The following ZNF717 variants were observed in gnomAD, a reference collection of about 807,000 sequenced individuals.
ZNF717 encodes zinc finger protein 717, also known as krueppel-like factor X17.
In ZNF717, 9 loss-of-function variants were observed where a neutral mutation model predicts 13.8. That is an observed-to-expected ratio of 0.65 (90% confidence interval 0.39 to 1.14). ZNF717 has a LOEUF of 1.14. ZNF717 is among the 50% of genes most tolerant of loss of function. ZNF717 has a pLI of 0.01. For synonymous variants in ZNF717, 327 were observed against 364.1 expected (o/e 0.90, Z 1.16); for missense variants, 1,040 against 1,080.7 (o/e 0.96, Z 0.53).
intron 6 of ZNF717, among the ~76,000 whole-genome samples, chr3:75,702,521 A>C (rs1445426460): frequency 2.0e-5 from 3 of 152,310 alleles, no homozygotes; most frequent in Admixed American, 6.5e-5. Context: ...AATGGGTTAA[A>C]ACAATTGTTA....
chr3:75,712,282 T>C (rs966960384), intron 5 of ZNF717, among the ~76,000 whole-genome samples: 73 of 152,384 alleles, frequency 4.8e-4, no homozygotes, highest in African/African-American at 1.7e-3. Context: ...AGATGGCTGT[T>C]AAGGGAACAG....
chr3:75,723,400 C>T (rs1307886539), intron 4 of ZNF717, among the ~76,000 whole-genome samples: 1 of 152,076 alleles, frequency 6.6e-6, no homozygotes, highest in East Asian at 1.9e-4. Flanking sequence ...GGCAGCAAGC[C>T]ACCCAGGTGC....
At position 75,741,371 on chromosome 3, in the gene ZNF717, G is replaced by C; in HGVS notation, c.185-3C>G. ...CTCAGGTTTGGTAATGTAATGCCCTGGTAATGAGAAACAATGGAAGACTTT... is the reference window on the plus strand; with the variant it reads ...CTCAGGTTTGGTAATGTAATGCCCTCGTAATGAGAAACAATGGAAGACTTT... On this transcript the variant is annotated splice_region_variant and splice_polypyrimidine_tract_variant and intron_variant, in intron 3 of 4. Transcript: ENST00000652011. The C allele has an allele frequency of 6.6e-7, 1 of 1,518,540 alleles. No individual in the cohort carries two copies. Among genetic ancestry groups the C allele is most frequent in the Admixed American group, 2.0e-5 (1 of 50,942 alleles). 94.1% of individuals were successfully genotyped at this position (1,518,540 alleles called of 1,614,324 possible). A position where few individuals can be genotyped will look rare whatever the true frequency, so the allele number is the denominator to read the frequency against.
intron 2 of ZNF717, among the ~76,000 whole-genome samples, chr3:75,758,812 G>A (rs77337904): frequency 9.2e-4 from 139 of 151,370 alleles, no homozygotes; most frequent in African/African-American, 3.2e-3. Context: ...CCAGGACGTC[G>A]AGGCAACATG....
chr3:75,726,894 G>A (rs1938292433), downstream of ZNF717, among the ~76,000 whole-genome samples: 1 of 152,146 alleles, frequency 6.6e-6, no homozygotes, highest in African/African-American at 2.4e-5. Flanking sequence ...TATAACCCAT[G>A]CTTATCCTTC....
rs1356685905 is a variant in ZNF717, at chr3:75,737,133, A to G, written c.2490T>C (p.Phe830=). ...CCCCTGTGTGAGTTCTGTGATGTAC[A>G]AAGAGTTTTGACTTCTGGGAGAAGG... ...RKTFSQKSKL[F]VHHRTHTGEK... is the part of the protein sequence containing the mutation. The change falls in exon 5 of 5, where the codon TTT becomes TTC. Residue 830 remains phenylalanine (F), a synonymous_variant. Transcript: ENST00000652011. 6.4e-7 allele frequency: 1 copy of G among 1,566,656 alleles called. No homozygotes were observed. Among genetic ancestry groups the G allele is most frequent in the Non-Finnish European group, 8.7e-7 (1 of 1,155,966 alleles).
Position 75,737,595 on chromosome 3 carries a change from A to C in ZNF717, c.2028T>G (p.Asp676Glu), listed in dbSNP as rs778624268. Residue 676 changes from aspartate (D) to glutamate (E), a missense_variant, in exon 5 of 5, where the codon GAT (aspartate) becomes GAG (glutamate). Transcript: ENST00000652011. ...QRTHTGKNRM[D>E]VMNVEKLFVR... is the part of the protein sequence containing the mutation. ...CAAAAAGTTTTTCCACATTCATTAC[A>C]TCCATACGGTTTTTCCCCGTGTGAG... 6.5e-7 allele frequency: 1 copy of C among 1,544,208 alleles called. No individual in the cohort carries two copies. Among genetic ancestry groups the C allele is most frequent in the African/African-American group, 1.4e-5 (1 of 72,830 alleles).
At chr3:75,745,799 C>A (rs1193234240) in intron 2 of ZNF717, among the ~76,000 whole-genome samples, 1 of 144,432 alleles carries the variant, frequency 6.9e-6, no homozygotes, top group African/African-American at 2.5e-5. Context: ...ACAGGGTTTT[C>A]TTTTTTTTTT....
chr3:75,753,033 G>C lies in ZNF717; in HGVS notation c.58-11297C>G, dbSNP rs377767255. Among the ~76,000 whole-genome samples, 975 of 145,734 alleles carry C rather than the reference G, an allele frequency of 6.7e-3. 23 individuals carry two copies. Among genetic ancestry groups the C allele is most frequent in the African/African-American group, 0.022 (881 of 39,196 alleles). ...TGTCTGAATGTTTATACCTCACATA[G>C]GATTCCAGAACACTGCTATGAGGGT... On this transcript the variant is annotated intron_variant, in intron 2 of 4. Coordinates refer to ENST00000652011, the MANE Select transcript of ZNF717 (RefSeq NM_001290208.3).
At chr3:75,769,935 A>C (rs62268123) in intron 2 of ZNF717, among the ~76,000 whole-genome samples, 25,452 of 152,264 alleles carry the variant, frequency 0.17, 2,116 homozygotes, top group African/African-American at 0.18. Context: ...ATATTAACAT[A>C]AGCTAGAATC....
intron 2 of ZNF717, among the ~76,000 whole-genome samples, chr3:75,759,179 G>A (rs569913839): frequency 6.6e-6 from 1 of 152,062 alleles, no homozygotes; most frequent in African/African-American, 2.4e-5. Flanking sequence ...GCAGTGGTCT[G>A]GAACCAAACC....
intron 2 of ZNF717, among the ~76,000 whole-genome samples, chr3:75,757,438 T>C (rs1336228816): frequency 6.6e-6 from 1 of 152,244 alleles, no homozygotes; most frequent in Non-Finnish European, 1.5e-5. Flanking sequence ...ACAGACTATC[T>C]GTTTACAAAT....
chr3:75,708,486 C>A (rs1407821590), downstream of ZNF717, among the ~76,000 whole-genome samples: 1 of 152,090 alleles, frequency 6.6e-6, no homozygotes, highest in East Asian at 1.9e-4. Flanking sequence ...CCATCAAAGA[C>A]CAAAAGTAGA....
intron 2 of ZNF717, among the ~76,000 whole-genome samples, chr3:75,779,648 TA>T (rs1244868519): frequency 6.9e-6 from 1 of 145,804 alleles, no homozygotes; most frequent in African/African-American, 2.6e-5. Flanking sequence ...AGTGACGTGC[TA>T]AAACCAGAAC....
At chr3:75,720,324 T>C (rs75419711) in intron 4 of ZNF717, among the ~76,000 whole-genome samples, 1 of 152,192 alleles carries the variant, frequency 6.6e-6, no homozygotes, top group Admixed American at 6.5e-5. Flanking sequence ...AATGAAATAA[T>C]GTTCTTTGCA....
At chr3:75,726,339 T>C (rs1384230971), downstream of ZNF717, among the ~76,000 whole-genome samples, 1 of 152,354 alleles carries the variant, frequency 6.6e-6, no homozygotes, top group African/African-American at 2.4e-5. Flanking sequence ...AATATTTAGT[T>C]AGGACAGGCA....
intron 2 of ZNF717, among the ~76,000 whole-genome samples, chr3:75,774,189 C>CAAAA (rs528249551): frequency 7.7e-6 from 1 of 130,244 alleles, no homozygotes; most frequent in African/African-American, 2.8e-5. Flanking sequence ...AATAAACTAC[C>CAAAA]AAAAAAAAAA....
At chr3:75,700,685 A>G (rs1937675804) in intron 6 of ZNF717, among the ~76,000 whole-genome samples, 1 of 152,308 alleles carries the variant, frequency 6.6e-6, no homozygotes, top group Non-Finnish European at 1.5e-5. Context: ...CATACAATAA[A>G]AAATAAGACA....
At chr3:75,741,843 A>G in intron 2 of ZNF717, 107 bp from the exon 3 acceptor site, 1 of 1,450,378 alleles carries the variant, frequency 6.9e-7, no homozygotes, top group East Asian at 2.3e-5. Context: ...GTGCACAGCC[A>G]CATCTTCAAA....
Sources: gnomAD v4.1 joint callset for allele counts (sites outside exome capture counted in the v4.1 genomes callset) on GRCh38, gnomAD v4.1.1 for gene constraint, MANE v1.5 for transcripts, NCBI Gene and HGNC (gene_info 2026-07-23, HGNC 2026-07-21) for gene names.